The following KHDRBS2 variants were observed in gnomAD, a reference collection of about 807,000 sequenced individuals.
KHDRBS2 encodes the protein KH domain-containing, RNA-binding, signal transduction-associated protein 2.
A neutral mutation model predicts 44.3 loss-of-function variants in KHDRBS2; 26 were observed. That is an observed-to-expected ratio of 0.59 (90% CI 0.43 to 0.81). The LOEUF is 0.81. KHDRBS2 is among the 40% of genes least tolerant of loss of function. The probability of loss-of-function intolerance (pLI) is 0.00; values close to 1 mark genes in which losing one functional copy is unlikely to be tolerated. For synonymous variants in KHDRBS2, 194 were observed against 151.1 expected (o/e 1.28, Z -2.08); for missense variants, 476 against 433.1 (o/e 1.10, Z -0.88).
chr6:61,945,209 A>C (rs914104174), intron 4 of KHDRBS2, among the ~76,000 whole-genome samples: 2 of 115,480 alleles, frequency 1.7e-5, no homozygotes, highest in Non-Finnish European at 3.8e-5. Context: ...TTAATGATTA[A>C]AAATTTAAAA....
chr6:62,174,879 A>G (rs1456291494), intron 2 of KHDRBS2, among the ~76,000 whole-genome samples: 3 of 151,808 alleles, frequency 2.0e-5, no homozygotes, highest in African/African-American at 7.2e-5. Context: ...GTTCTGCTTA[A>G]CAGCTCATAG....
intron 4 of KHDRBS2, among the ~76,000 whole-genome samples, chr6:61,930,002 G>T (rs1190610549): frequency 6.6e-6 from 1 of 152,070 alleles, no homozygotes; most frequent in Non-Finnish European, 1.5e-5. Context: ...AAGATGTAAG[G>T]CCTTAAAGAG....
intron 8 of KHDRBS2, among the ~76,000 whole-genome samples, chr6:61,690,788 A>G (rs1767316662): frequency 6.6e-6 from 1 of 152,154 alleles, no homozygotes; most frequent in South Asian, 2.1e-4. Context: ...TTGGCAATTC[A>G]TCCTTTCAGT....
At chr6:61,780,365 T>C (rs1054089961) in intron 6 of KHDRBS2, among the ~76,000 whole-genome samples, 8 of 152,170 alleles carry the variant, frequency 5.3e-5, no homozygotes, top group Non-Finnish European at 4.4e-5. Context: ...CCAGGTGTGG[T>C]GGCGTGTGCC....
chr6:61,642,997 G>A, the KHDRBS2 span, among the ~76,000 whole-genome samples: 1 of 152,092 alleles, frequency 6.6e-6, no homozygotes, highest in Non-Finnish European at 1.5e-5. Flanking sequence ...AAATTATTTG[G>A]GAGATGCATG....
intron 6 of KHDRBS2, among the ~76,000 whole-genome samples, chr6:61,751,054 A>G (rs1000389957): frequency 6.6e-6 from 1 of 152,148 alleles, no homozygotes; most frequent in Non-Finnish European, 1.5e-5. Flanking sequence ...GACCTGTACT[A>G]AATACTTGCA....
intron 1 of KHDRBS2, among the ~76,000 whole-genome samples, chr6:62,280,852 G>C (rs1309263604): frequency 1.3e-5 from 2 of 152,194 alleles, no homozygotes; most frequent in African/African-American, 4.8e-5. Flanking sequence ...TTGGGTCAAG[G>C]ATATGGATGG....
chr6:61,827,686 G>T (rs1227528965), intron 6 of KHDRBS2, among the ~76,000 whole-genome samples: 1 of 152,120 alleles, frequency 6.6e-6, no homozygotes, highest in African/African-American at 2.4e-5. Context: ...CGAGATCAGA[G>T]TACCAGTGTG....
chr6:61,584,681 A>G, the KHDRBS2 span, among the ~76,000 whole-genome samples: 3 of 152,014 alleles, frequency 2.0e-5, no homozygotes, highest in East Asian at 1.9e-4. Context: ...TAGAATAAAA[A>G]TATGGTAGCA....
the KHDRBS2 span, among the ~76,000 whole-genome samples, chr6:61,560,931 C>T: frequency 2.2e-4 from 33 of 152,234 alleles, no homozygotes; most frequent in African/African-American, 7.7e-4. Flanking sequence ...TCTTTGCAAT[C>T]TGAGCTTGTT....
intron 3 of KHDRBS2, among the ~76,000 whole-genome samples, chr6:62,018,953 TTC>T (rs1781757692): frequency 1.3e-5 from 2 of 152,132 alleles, no homozygotes; most frequent in African/African-American, 4.8e-5. Context: ...TATACATATA[TTC>T]TTTTTTAAAA....
the KHDRBS2 span, among the ~76,000 whole-genome samples, chr6:61,565,888 A>G: frequency 1.3e-5 from 2 of 151,308 alleles, no homozygotes; most frequent in African/African-American, 4.9e-5. Flanking sequence ...GGAAATCAGT[A>G]TATTGAAGAG....
intron 2 of KHDRBS2, among the ~76,000 whole-genome samples, chr6:62,125,327 C>T (rs1808707405): frequency 6.6e-6 from 1 of 152,200 alleles, no homozygotes; most frequent in South Asian, 2.1e-4. Context: ...GGGAAATGCC[C>T]ATTCCAGTTG....
chr6:61,963,707 G>T (rs774477490), intron 4 of KHDRBS2, among the ~76,000 whole-genome samples: 3 of 152,052 alleles, frequency 2.0e-5, no homozygotes, highest in Non-Finnish European at 4.4e-5. Context: ...CCCTAATACA[G>T]TCTAATTGGG....
intron 4 of KHDRBS2, among the ~76,000 whole-genome samples, chr6:61,919,839 G>T (rs1207296828): frequency 6.6e-6 from 1 of 151,866 alleles, no homozygotes; most frequent in Non-Finnish European, 1.5e-5. Flanking sequence ...TTGGGAAGAT[G>T]TAATATCTAC....
intron 2 of KHDRBS2, among the ~76,000 whole-genome samples, chr6:62,148,139 G>A (rs1814333903): frequency 6.6e-6 from 1 of 151,948 alleles, no homozygotes; most frequent in African/African-American, 2.4e-5. Flanking sequence ...GATTATTCTG[G>A]TGATATTTTT....
the KHDRBS2 span, among the ~76,000 whole-genome samples, chr6:61,637,015 C>T: frequency 6.6e-6 from 1 of 151,784 alleles, no homozygotes; most frequent in Non-Finnish European, 1.5e-5. Flanking sequence ...TTAAGTTCAA[C>T]ATATACTTTT....
chr6:61,854,002 G>A (rs1210627044), intron 6 of KHDRBS2, among the ~76,000 whole-genome samples: 2 of 152,182 alleles, frequency 1.3e-5, no homozygotes, highest in Non-Finnish European at 2.9e-5. Flanking sequence ...AGCTGCAAGG[G>A]AGTCTGGGAC....
chr6:62,003,478 A>G (rs940349946), intron 3 of KHDRBS2, among the ~76,000 whole-genome samples: 1 of 152,098 alleles, frequency 6.6e-6, no homozygotes, highest in Non-Finnish European at 1.5e-5. Context: ...TATCCTAAAT[A>G]TGTATGCTCC....
Sources: gnomAD v4.1 joint callset for allele counts (sites outside exome capture counted in the v4.1 genomes callset) on GRCh38, gnomAD v4.1.1 for gene constraint, MANE v1.5 for transcripts, NCBI Gene and HGNC (gene_info 2026-07-23, HGNC 2026-07-21) for gene names.